RAB11FIP3: variants seen among roughly 807,000 people sequenced by gnomAD.
The protein encoded by RAB11FIP3 is RAB11 family interacting protein 3.
Under a neutral mutation model 77.8 loss-of-function variants are expected in RAB11FIP3, and 17 were observed. The ratio of observed to expected loss-of-function variants is 0.22; its 90% CI spans 0.15 to 0.33. RAB11FIP3 has a LOEUF of 0.33. Ranked by LOEUF, RAB11FIP3 falls within the 10% of genes least tolerant of loss-of-function variation. The pLI, the probability that RAB11FIP3 is intolerant of heterozygous loss-of-function variation, is 1.00. For synonymous variants in RAB11FIP3, 437 were observed against 448.2 expected (o/e 0.98, Z 0.31); for missense variants, 1,005 against 1,011.2 (o/e 0.99, Z 0.08).
At chr16:460,023 A>C (rs1251705690) in intron 1 of RAB11FIP3, among the ~76,000 whole-genome samples, 1 of 151,642 alleles carries the variant, frequency 6.6e-6, no homozygotes, top group African/African-American at 2.4e-5. Flanking sequence ...GATTACAGGC[A>C]TGCGCCACCA....
chr16:494,320 A>G (rs988009119), intron 5 of RAB11FIP3, among the ~76,000 whole-genome samples: 1 of 151,652 alleles, frequency 6.6e-6, no homozygotes, highest in Non-Finnish European at 1.5e-5. Flanking sequence ...CAATAATAAG[A>G]TAAAATTAAA....
At chr16:433,379 C>T (rs1386854245) in intron 1 of RAB11FIP3, among the ~76,000 whole-genome samples, 1 of 150,268 alleles carries the variant, frequency 6.7e-6, no homozygotes, top group Non-Finnish European at 1.5e-5. Flanking sequence ...GCTTCCCAGC[C>T]TCTGATATCA....
chr16:456,791 ACAAAT>A lies in RAB11FIP3; in HGVS notation c.715-4608_715-4604del, dbSNP rs2055511856. Reference sequence around the variant, plus strand: ...CAAAAAAACCAACAAAAAAACAACAACAAATCAAAACAAAACGAGCACTTGTTGGG... The same window carrying A: ...CAAAAAAACCAACAAAAAAACAACAACAAAACAAAACGAGCACTTGTTGGG... On this transcript the variant is annotated intron_variant, in intron 1 of 13. Transcript: ENST00000262305. 2.0e-5 allele frequency among the ~76,000 whole-genome samples: 3 copies of A among 152,140 alleles called. No homozygotes were observed. The South Asian group carries it at 6.2e-4, about 31-fold the overall frequency.
chr16:444,326 A>G (rs1435578371), intron 1 of RAB11FIP3, among the ~76,000 whole-genome samples: 1 of 152,220 alleles, frequency 6.6e-6, no homozygotes, highest in Admixed American at 6.5e-5. Context: ...GGCAGAGGGT[A>G]GTAGACTAAG....
rs1212573455 is a variant in RAB11FIP3, at chr16:505,377, G to A, written c.1396-147G>A. On this transcript the variant is annotated intron_variant, in intron 7 of 13. Transcript: ENST00000262305. The surrounding 1 kb of genome is among the most constrained non-coding windows in gnomAD (Gnocchi z 4.0). ...GAGCTGCACCTTTGTGGGTTTATGG[G>A]ACAAGTTGGATCCAACACCAGCCTA... The A allele has an allele frequency of 6.3e-6, 4 of 633,708 alleles. No homozygotes were observed. Among genetic ancestry groups the A allele is most frequent in the Admixed American group, 5.8e-5 (2 of 34,334 alleles). The allele number at this position is 633,708 out of a possible 1,614,324, so 39.3% of individuals were successfully genotyped here. A position where few individuals can be genotyped will look rare whatever the true frequency, so the allele number is the denominator to read the frequency against.
chr16:470,765 T>G (rs1426270858), intron 2 of RAB11FIP3, among the ~76,000 whole-genome samples: 2 of 152,092 alleles, frequency 1.3e-5, no homozygotes, highest in East Asian at 3.9e-4. Flanking sequence ...CCTTTAAAGT[T>G]TTTCTCATAG....
intron 5 of RAB11FIP3, among the ~76,000 whole-genome samples, chr16:492,606 T>C (rs2030669555): frequency 6.9e-6 from 1 of 145,064 alleles, no homozygotes. Flanking sequence ...CCTGCGTGTG[T>C]GTTCAGCTAG....
At chr16:433,874 T>G (rs2055083429) in intron 1 of RAB11FIP3, among the ~76,000 whole-genome samples, 1 of 150,616 alleles carries the variant, frequency 6.6e-6, no homozygotes, top group Non-Finnish European at 1.5e-5. Context: ...AAAAAAAAAG[T>G]ACTCCATTGT....
At chr16:513,504 G>T (rs1338287207) in intron 9 of RAB11FIP3, among the ~76,000 whole-genome samples, 1 of 152,024 alleles carries the variant, frequency 6.6e-6, no homozygotes, top group Non-Finnish European at 1.5e-5. Flanking sequence ...GGGATTTTTT[G>T]TTGTTGTTGT....
intron 5 of RAB11FIP3, among the ~76,000 whole-genome samples, chr16:492,561 C>T (rs992991888): frequency 8.4e-6 from 1 of 118,458 alleles, no homozygotes; most frequent in Non-Finnish European, 1.6e-5. Context: ...TTCCAAAGAT[C>T]CGCTAACCTC....
chr16:520,657 G>A lies in RAB11FIP3; in HGVS notation c.2157+58G>A, dbSNP rs1376830044. On this transcript the variant is annotated intron_variant, in intron 13 of 13. Coordinates refer to ENST00000262305, the MANE Select transcript of RAB11FIP3 (RefSeq NM_014700.4). ...GGGGTCCACAGTCTGCACTGTCTGTGCGCTGTGGTTTATGCGCTGTGGCCT... is the reference window on the plus strand; with the variant it reads ...GGGGTCCACAGTCTGCACTGTCTGTACGCTGTGGTTTATGCGCTGTGGCCT... 4.3e-6 allele frequency: 7 copies of A among 1,610,692 alleles called. No individual in the cohort carries two copies. The Admixed American group carries it at 6.7e-5, about 15-fold the overall frequency.
chr16:494,509 C>T (rs1460451493), intron 5 of RAB11FIP3, among the ~76,000 whole-genome samples: 1 of 151,780 alleles, frequency 6.6e-6, no homozygotes, highest in Non-Finnish European at 1.5e-5. Context: ...GTAGTCCCAG[C>T]TACTCGGGAG....
intron 1 of RAB11FIP3, among the ~76,000 whole-genome samples, chr16:443,581 G>T (rs1196481883): frequency 6.6e-6 from 1 of 152,200 alleles, no homozygotes; most frequent in Non-Finnish European, 1.5e-5. Flanking sequence ...GGTTGTTGTT[G>T]TTGAGAGGGA....
In RAB11FIP3 at chr16:472,849, TATC is replaced by T. The variant is rs1477186889; in HGVS notation, c.903+1463_903+1465del. On this transcript the variant is annotated intron_variant, in intron 3 of 13. Transcript: ENST00000262305. This position sits in a 1 kb window ranked among gnomAD's most constrained non-coding sequence, Gnocchi z 4.1. ...TAGTTCATTAAGGATCTCAAGGTGA[TATC>T]ATGCTGGTTTGGGCCCTAAATCCAG... 1.3e-5 allele frequency among the ~76,000 whole-genome samples: 2 copies of T among 152,136 alleles called. No individual in the cohort carries two copies. The highest frequency in any genetic ancestry group is 3.9e-4 in the East Asian group (2 of 5,190).
Position 478,598 on chromosome 16 carries a change from G to C in RAB11FIP3, c.904-3927G>C, listed in dbSNP as rs544047925. Among the ~76,000 whole-genome samples, 3 of 152,282 alleles carry C rather than the reference G, an allele frequency of 2.0e-5. No homozygotes were observed. The East Asian group carries it at 5.8e-4, about 29-fold the overall frequency. On this transcript the variant is annotated intron_variant, in intron 3 of 13. Coordinates refer to ENST00000262305, the MANE Select transcript of RAB11FIP3 (RefSeq NM_014700.4). ...GTTTATTTGCAAATTGTTAACCTCAGAGTCTTCTGAGCATGAAATGTTGGC... is the reference window on the plus strand; with the variant it reads ...GTTTATTTGCAAATTGTTAACCTCACAGTCTTCTGAGCATGAAATGTTGGC...
intron 1 of RAB11FIP3, among the ~76,000 whole-genome samples, chr16:442,444 G>A (rs188181708): frequency 9.2e-5 from 14 of 152,264 alleles, no homozygotes; most frequent in Non-Finnish European, 1.9e-4. Context: ...TCGTGAAGGG[G>A]GTTGCTATTT....
chr16:473,308 C>A (rs1186089768), intron 3 of RAB11FIP3, among the ~76,000 whole-genome samples: 1 of 152,136 alleles, frequency 6.6e-6, no homozygotes, highest in Non-Finnish European at 1.5e-5. Context: ...ATCCTGATTT[C>A]TTTTTTAGAA....
At chr16:519,948 C>A in intron 11 of RAB11FIP3, 57 bp downstream of exon 11, 2 of 1,530,078 alleles carry the variant, frequency 1.3e-6, no homozygotes, top group Non-Finnish European at 1.8e-6. Context: ...CCACGGGGAG[C>A]CTTTGTTTCC....
chr16:471,785 C>T lies in RAB11FIP3; in HGVS notation c.903+396C>T, dbSNP rs1242555104. On this transcript the variant is annotated intron_variant, in intron 3 of 13. Transcript: ENST00000262305. The surrounding 1 kb of genome is among the most constrained non-coding windows in gnomAD (Gnocchi z 4.4). ...CTGCCCCTGCTTGGCTGTCCTCCAC[C>T]CTGCTCCCAGATGCAGCCAGGGTTG... 2.0e-5 allele frequency among the ~76,000 whole-genome samples: 3 copies of T among 152,148 alleles called. No individual in the cohort carries two copies. Among genetic ancestry groups the T allele is most frequent in the African/African-American group, 7.2e-5 (3 of 41,440 alleles).
Sources: gnomAD v4.1 joint callset for allele counts (sites outside exome capture counted in the v4.1 genomes callset) on GRCh38, gnomAD v4.1.1 for gene constraint, Gnocchi (gnomAD v3.1) non-coding constraint, MANE v1.5 for transcripts, NCBI Gene and HGNC (gene_info 2026-07-23, HGNC 2026-07-21) for gene names.